AP4M1: variants seen among roughly 807,000 people sequenced by gnomAD.
The protein encoded by AP4M1 is adaptor related protein complex 4 subunit mu 1.
AP4M1 carries 58 observed loss-of-function variants against 62.4 expected under a neutral mutation model. The observed-to-expected ratio is 0.93, with a 90% CI of 0.75 to 1.16. The LOEUF (loss-of-function observed/expected upper bound fraction) is 1.16, where lower values mean the gene tolerates loss of function less well. Ranked by LOEUF, AP4M1 falls within the 50% of genes most tolerant of loss-of-function variation. The probability of loss-of-function intolerance (pLI) is 0.00; values close to 1 mark genes in which losing one functional copy is unlikely to be tolerated. For synonymous variants in AP4M1, 290 were observed against 239.7 expected (o/e 1.21, Z -1.94); for missense variants, 626 against 585.4 (o/e 1.07, Z -0.72).
chr7:100,101,268 C>A, upstream of AP4M1: 1 of 1,613,300 alleles, frequency 6.2e-7, no homozygotes, highest in East Asian at 2.2e-5. Context: ...CCGTACCCTT[C>A]TCTAGCGCGT....
In AP4M1 at chr7:100,108,172, G is replaced by C. The variant is rs1302160232; in HGVS notation, c.*1290G>C. 1 of 1,541,206 alleles carries C rather than the reference G, an allele frequency of 6.5e-7. No homozygotes were observed. Among genetic ancestry groups the C allele is most frequent in the East Asian group, 2.3e-5 (1 of 43,122 alleles). Reference sequence around the variant, plus strand: ...GAAGTGGCACCATCTACTAAGAAGAGGAGTCTGAAGGGAGAGGCCTGGGCT... The same window carrying C: ...GAAGTGGCACCATCTACTAAGAAGACGAGTCTGAAGGGAGAGGCCTGGGCT... On this transcript the variant is annotated 3_prime_UTR_variant, in exon 15 of 15. Transcript: ENST00000359593.
In AP4M1 at chr7:100,105,049, G is replaced by A; in HGVS notation, c.678G>A (p.Met226Ile). 14 of 1,614,190 alleles carry A rather than the reference G, an allele frequency of 8.7e-6. No individual in the cohort carries two copies. Among genetic ancestry groups the A allele is most frequent in the Non-Finnish European group, 1.2e-5 (14 of 1,180,044 alleles). Residue 226 changes from methionine (M) to isoleucine (I), a missense_variant, in exon 9 of 15, where the codon ATG becomes ATA. Physicochemically the swap from Met to Ile is conservative, Grantham distance 10. Transcript: ENST00000359593. ...LKSFLPSGSE[M>I]RIGLTEEFCV... ...TGATGGTCTCTCCTCCGACAGAGAT[G>A]CGCATTGGCTTGACGGAAGAGTTTT...
chr7:100,108,113 G>A lies in AP4M1; in HGVS notation c.*1231G>A, dbSNP rs762276173. 17 of 1,601,338 alleles carry A rather than the reference G, an allele frequency of 1.1e-5. No homozygotes were observed. Among genetic ancestry groups the A allele is most frequent in the African/African-American group, 4.0e-5 (3 of 74,964 alleles). ...CTGTGGGGCCTGCGAGAGGGTCAGC[G>A]TGGGCCGGGGCTGCGGGGAGAAGAG... On this transcript the variant is annotated 3_prime_UTR_variant, in exon 15 of 15. Transcript: ENST00000359593.
In AP4M1 at chr7:100,102,770, A is replaced by G. The variant is rs200156998; in HGVS notation, c.243A>G (p.Glu81=). The part of the protein sequence containing the change: ...SENVSPFSLL[E]LLSRLATLLG... ...ACGTTTCTCCCTTCAGCCTCCTAGA[A>G]CTGCTCTCCAGGTGAGGAGGGTTGG... Residue 81 remains glutamate, a synonymous_variant, in exon 3 of 15, where the codon GAA becomes GAG. Coordinates refer to ENST00000359593, the MANE Select transcript of AP4M1 (RefSeq NM_004722.4). 148 of 1,613,810 alleles carry G rather than the reference A, an allele frequency of 9.2e-5. No homozygotes were observed. The highest frequency in any genetic ancestry group is 1.2e-4 in the Non-Finnish European group (141 of 1,179,886).
At position 100,108,353 on chromosome 7, in the gene AP4M1, A is replaced by G. The variant is rs1162768382; in HGVS notation, c.*1471A>G. 5 of 1,588,920 alleles carry G rather than the reference A, an allele frequency of 3.1e-6. No homozygotes were observed. The highest frequency in any genetic ancestry group is 4.3e-6 in the Non-Finnish European group (5 of 1,164,386). On this transcript the variant is annotated 3_prime_UTR_variant, in exon 15 of 15. Coordinates refer to ENST00000359593, the MANE Select transcript of AP4M1 (RefSeq NM_004722.4). The stretch of plus-strand genomic sequence containing the variant: ...CTGCTTCCTCCTATTCCTCCTCCCC[A>G]CCCGGCCACGGACCTGCGTGATGGT...
Position 100,108,071 on chromosome 7 carries a change from G to A in AP4M1, c.*1189G>A, listed in dbSNP as rs1374431111. On this transcript the variant is annotated 3_prime_UTR_variant, in exon 15 of 15. Transcript: ENST00000359593. ...GGAGCCAGGAACCTTCAGCAAGCCAGGGGTGCGAGGGCCAGGCTGTGGGGC... is the reference window on the plus strand; with the variant it reads ...GGAGCCAGGAACCTTCAGCAAGCCAAGGGTGCGAGGGCCAGGCTGTGGGGC... 1 of 1,612,102 alleles carries A rather than the reference G, an allele frequency of 6.2e-7. No individual in the cohort carries two copies. The highest frequency in any genetic ancestry group is 8.5e-7 in the Non-Finnish European group (1 of 1,179,580).
At chr7:100,105,922 G>A in intron 11 of AP4M1, 37 bp from the exon 12 acceptor site, 3 of 1,612,970 alleles carry the variant, frequency 1.9e-6, no homozygotes, top group Non-Finnish European at 2.5e-6. Flanking sequence ...GCCAGTAGAA[G>A]ATGGCCTGAG....
Position 100,101,901 on chromosome 7 carries a change from G to C in AP4M1, c.80G>C (p.Arg27Pro), listed in dbSNP as rs1228259686. The part of the protein sequence containing the change: ...YKDFRGDSGG[R>P]DVAELFYRKL... ...CCAGTCCGCGGGGACAGTGGCGGCC[G>C]GGATGTGGCCGAGCTCTTCTACCGG... Residue 27 changes from arginine (R) to proline (P), a missense_variant, in exon 2 of 15, where the codon CGG becomes CCG. Coordinates refer to ENST00000359593, the MANE Select transcript of AP4M1 (RefSeq NM_004722.4). 6.2e-7 allele frequency: 1 copy of C among 1,613,038 alleles called. No individual in the cohort carries two copies. Among genetic ancestry groups the C allele is most frequent in the Admixed American group, 1.7e-5 (1 of 60,020 alleles).
rs1796223899 is a variant in AP4M1 at position 100,103,459 on chromosome 7, C to A, written c.402C>A (p.Ile134=). The A allele has an allele frequency of 6.2e-7, 1 of 1,614,184 alleles. No homozygotes were observed. The highest frequency in any genetic ancestry group is 1.1e-5 in the South Asian group (1 of 91,086). The change falls in exon 5 of 15, where the codon ATC becomes ATA. Residue 134 remains isoleucine, a synonymous_variant. Coordinates refer to ENST00000359593, the MANE Select transcript of AP4M1 (RefSeq NM_004722.4). ...TTSTEMLRNF[I]QTEAVVSKPF... ...CCACGGAGATGCTGAGGAATTTCATCCAGACGGAAGCTGTGGTCAGCAAGC... is the reference window on the plus strand; with the variant it reads ...CCACGGAGATGCTGAGGAATTTCATACAGACGGAAGCTGTGGTCAGCAAGC...
intron 13 of AP4M1, 42 bp downstream of exon 13, chr7:100,106,333 A>G (rs1330003833): frequency 1.2e-6 from 2 of 1,613,136 alleles, no homozygotes; most frequent in African/African-American, 2.7e-5. Flanking sequence ...CTGGGGAGAG[A>G]GTGAGCTCAG....
Position 100,108,251 on chromosome 7 carries a change from G to GCAA in AP4M1, c.*1370_*1371insAAC. 6.8e-7 allele frequency: 1 copy of GCAA among 1,463,888 alleles called. No individual in the cohort carries two copies. Among genetic ancestry groups the GCAA allele is most frequent in the Non-Finnish European group, 9.1e-7 (1 of 1,102,940 alleles). 90.7% of individuals were successfully genotyped at this position (1,463,888 alleles called of 1,614,324 possible). A position where few individuals can be genotyped will look rare whatever the true frequency, so the allele number is the denominator to read the frequency against. On this transcript the variant is annotated 3_prime_UTR_variant, in exon 15 of 15. Transcript: ENST00000359593. Reference sequence around the variant, plus strand: ...TAGGGCTGGGGCATCCTCACTCAGGGCCTGGTTGCCCTGAGACTACTGACT... The same window carrying GCAA: ...TAGGGCTGGGGCATCCTCACTCAGGGCAACCTGGTTGCCCTGAGACTACTGACT...
rs904235186 is a variant in AP4M1 at position 100,107,068 on chromosome 7, G to C, written c.*186G>C. The C allele has an allele frequency of 9.9e-6, 12 of 1,215,918 alleles. No homozygotes were observed. Among genetic ancestry groups the C allele is most frequent in the South Asian group, 1.4e-5 (1 of 73,642 alleles). 75.3% of individuals were successfully genotyped at this position (1,215,918 alleles called of 1,614,324 possible). On this transcript the variant is annotated 3_prime_UTR_variant, in exon 15 of 15. Coordinates refer to ENST00000359593, the MANE Select transcript of AP4M1 (RefSeq NM_004722.4). Reference sequence around the variant, plus strand: ...ATCTGATGCAGGAAGGACTGCAGTGGATCAGAACTTACAAACCAAACTTTT... The same window carrying C: ...ATCTGATGCAGGAAGGACTGCAGTGCATCAGAACTTACAAACCAAACTTTT...
Position 100,102,801 on chromosome 7 carries a change from G to A in AP4M1, c.254+20G>A, listed in dbSNP as rs746872399. ...CTCCAGGTGAGGAGGGTTGGGCTGG[G>A]CACCTGGTAGCTAGGAGGGGTCTGA... On this transcript the variant is annotated intron_variant, in intron 3 of 14. Coordinates refer to ENST00000359593, the MANE Select transcript of AP4M1 (RefSeq NM_004722.4). 1.1e-5 allele frequency: 17 copies of A among 1,613,110 alleles called. No individual in the cohort carries two copies. Among genetic ancestry groups the A allele is most frequent in the Non-Finnish European group, 1.4e-5 (16 of 1,179,066 alleles).
chr7:100,102,109 G>T lies in AP4M1; in HGVS notation c.147+141G>T, dbSNP rs1312000601. ...ATAAAGCTAACGTGAGGCCCGGCGC[G>T]GTGGCTCACGCCTGTAATCCCAGCA... On this transcript the variant is annotated intron_variant, in intron 2 of 14. Transcript: ENST00000359593. 10 of 933,708 alleles carry T rather than the reference G, an allele frequency of 1.1e-5. No homozygotes were observed. In the South Asian group the frequency reaches 1.5e-4, roughly 14 times the overall value. 57.8% of individuals were successfully genotyped at this position (933,708 alleles called of 1,614,324 possible).
rs568869250 is a variant in AP4M1, at chr7:100,104,830, AAG to A, written c.607-42_607-41del. ...CGACAGAGCGAGACCGTCTCAAAAA[AAG>A]AAAGAAAAAAAGACTCTAACCTTGA... On this transcript the variant is annotated intron_variant, in intron 7 of 14. Coordinates refer to ENST00000359593, the MANE Select transcript of AP4M1 (RefSeq NM_004722.4). 69 of 1,611,732 alleles carry A rather than the reference AAG, an allele frequency of 4.3e-5. No homozygotes were observed. In the South Asian group the frequency reaches 6.4e-4, roughly 15 times the overall value.
chr7:100,101,022 C>CCAACCCCA (rs1795988885), upstream of AP4M1, among the ~76,000 whole-genome samples: 2 of 152,228 alleles, frequency 1.3e-5, no homozygotes, highest in African/African-American at 4.8e-5. Context: ...CCCCAAGCCC[C>CCAACCCCA]CAACCCCACG....
At position 100,104,240 on chromosome 7, in the gene AP4M1, G is replaced by A. The variant is rs576629092; in HGVS notation, c.606+86G>A. ...GTGGCTAAGACTCCCAGCAACGGCC[G>A]GGCACAGTGGCTCATGCTTGTAATC... On this transcript the variant is annotated intron_variant, in intron 7 of 14. Transcript: ENST00000359593. 68 of 1,130,376 alleles carry A rather than the reference G, an allele frequency of 6.0e-5. No individual in the cohort carries two copies. In the African/African-American group the frequency reaches 7.2e-4, roughly 12 times the overall value. The allele number at this position is 1,130,376 out of a possible 1,614,324, so 70.0% of individuals were successfully genotyped here.
At position 100,107,243 on chromosome 7, in the gene AP4M1, G is replaced by A; in HGVS notation, c.*361G>A. The A allele has an allele frequency of 6.6e-7, 1 of 1,521,970 alleles. No homozygotes were observed. The highest frequency in any genetic ancestry group is 8.8e-7 in the Non-Finnish European group (1 of 1,138,298). The allele number at this position is 1,521,970 out of a possible 1,614,324, so 94.3% of individuals were successfully genotyped here. On this transcript the variant is annotated 3_prime_UTR_variant, in exon 15 of 15. Coordinates refer to ENST00000359593, the MANE Select transcript of AP4M1 (RefSeq NM_004722.4). ...GGGAATCCGGGGGCTGGCAGGTGGA[G>A]CATCACGGAGCAGGCTGAGGGGAGC...
chr7:100,100,880 G>C (rs1306656908), upstream of AP4M1: 1 of 1,049,768 alleles, frequency 9.5e-7, no homozygotes, highest in Non-Finnish European at 1.2e-6. Flanking sequence ...CGCGCGCCTG[G>C]GGAGGGCGCG....
Sources: allele counts gnomAD v4.1 joint callset (sites outside exome capture counted in the v4.1 genomes callset), GRCh38; gene constraint gnomAD v4.1.1; transcripts MANE v1.5; gene names NCBI Gene and HGNC (gene_info 2026-07-23, HGNC 2026-07-21).